BTBD9: variants seen among roughly 807,000 people sequenced by gnomAD.
The protein encoded by BTBD9 is BTB domain containing 9.
A neutral mutation model predicts 64.3 loss-of-function variants in BTBD9; 49 were observed. The observed-to-expected ratio is 0.76, with a 90% CI of 0.61 to 0.97. BTBD9 has a LOEUF of 0.97. BTBD9 is among the 50% of genes least tolerant of loss of function. BTBD9 has a pLI of 0.00. For synonymous variants in BTBD9, 260 were observed against 274.7 expected (o/e 0.95, Z 0.53); for missense variants, 598 against 762.1 (o/e 0.78, Z 2.53).
intron 6 of BTBD9, among the ~76,000 whole-genome samples, chr6:38,430,909 T>C (rs1412665020): frequency 6.6e-6 from 1 of 152,014 alleles, no homozygotes. Context: ...CTGGTCTTAC[T>C]CTTCTCAGCG....
chr6:38,406,206 C>T (rs1767153016), intron 6 of BTBD9, among the ~76,000 whole-genome samples: 1 of 152,144 alleles, frequency 6.6e-6, no homozygotes, highest in African/African-American at 2.4e-5. Context: ...ATCTTTGGCT[C>T]CTACACAAAT....
chr6:38,386,968 C>T (rs1766200702), intron 6 of BTBD9, among the ~76,000 whole-genome samples: 3 of 152,112 alleles, frequency 2.0e-5, no homozygotes, highest in South Asian at 2.1e-4. Flanking sequence ...ACCCAAAAGT[C>T]CCCTCTGTGT....
At chr6:38,419,323 T>G (rs991614712) in intron 6 of BTBD9, among the ~76,000 whole-genome samples, 31 of 152,186 alleles carry the variant, frequency 2.0e-4, no homozygotes, top group Admixed American at 9.8e-4. Context: ...GTTCTAAAAT[T>G]TACTGTGGCA....
At chr6:38,529,815 C>T (rs574367385) in intron 6 of BTBD9, among the ~76,000 whole-genome samples, 361 of 149,458 alleles carry the variant, frequency 2.4e-3, no homozygotes, top group Middle Eastern at 0.01. Context: ...GATTGTAAAA[C>T]GTGTGTTTGA....
intron 6 of BTBD9, among the ~76,000 whole-genome samples, chr6:38,549,811 T>C (rs1163918854): frequency 6.6e-6 from 1 of 152,058 alleles, no homozygotes; most frequent in African/African-American, 2.4e-5. Flanking sequence ...CTCCCACCAC[T>C]CCTCTAAAAC....
chr6:38,590,253 G>GA (rs1029642190), intron 4 of BTBD9, among the ~76,000 whole-genome samples: 8 of 149,992 alleles, frequency 5.3e-5, no homozygotes, highest in Non-Finnish European at 1.0e-4. Flanking sequence ...GATATACACA[G>GA]AAAAAAAAAC....
intron 7 of BTBD9, among the ~76,000 whole-genome samples, chr6:38,313,912 G>A (rs1037692838): frequency 2.0e-5 from 3 of 151,580 alleles, no homozygotes; most frequent in African/African-American, 7.3e-5. Context: ...CCCACATCCG[G>A]CTAATTTTTG....
At chr6:38,416,681 T>C (rs1482669415) in intron 6 of BTBD9, among the ~76,000 whole-genome samples, 1 of 151,830 alleles carries the variant, frequency 6.6e-6, no homozygotes, top group East Asian at 1.9e-4. Flanking sequence ...AGCCACTCTC[T>C]AATGTCACAC....
intron 6 of BTBD9, among the ~76,000 whole-genome samples, chr6:38,413,938 T>C (rs546528183): frequency 3.3e-5 from 5 of 152,310 alleles, no homozygotes; most frequent in African/African-American, 1.2e-4. Flanking sequence ...TCGTGAAGAC[T>C]GAATGATTTG....
At chr6:38,596,700 C>T (rs959904943) in intron 2 of BTBD9, among the ~76,000 whole-genome samples, 1 of 151,528 alleles carries the variant, frequency 6.6e-6, no homozygotes, top group South Asian at 2.1e-4. Flanking sequence ...ACTCGGGAGG[C>T]TGAGGCAGGA....
At chr6:38,181,080 C>T (rs1280067187) in intron 10 of BTBD9, among the ~76,000 whole-genome samples, 1 of 152,214 alleles carries the variant, frequency 6.6e-6, no homozygotes, top group East Asian at 1.9e-4. Flanking sequence ...GTGGCTGCTG[C>T]CTCTCATTAG....
chr6:38,338,925 C>T (rs145973150), intron 7 of BTBD9, among the ~76,000 whole-genome samples: 4 of 152,294 alleles, frequency 2.6e-5, no homozygotes, highest in Non-Finnish European at 5.9e-5. Context: ...CCATTTCTCA[C>T]CTATCGAACT....
At chr6:38,345,944 C>T (rs1764260687) in intron 6 of BTBD9, among the ~76,000 whole-genome samples, 1 of 152,232 alleles carries the variant, frequency 6.6e-6, no homozygotes, top group Non-Finnish European at 1.5e-5. Flanking sequence ...ACTCATTCTT[C>T]TGAGTGTCAC....
At chr6:38,441,553 C>T (rs1380410201) in intron 6 of BTBD9, among the ~76,000 whole-genome samples, 1 of 152,052 alleles carries the variant, frequency 6.6e-6, no homozygotes, top group Non-Finnish European at 1.5e-5. Flanking sequence ...GCTAGGACTA[C>T]AGGCACCCGC....
intron 6 of BTBD9, among the ~76,000 whole-genome samples, chr6:38,493,068 T>C (rs369173200): frequency 1.3e-5 from 2 of 151,830 alleles, no homozygotes; most frequent in South Asian, 4.2e-4. Flanking sequence ...ATTCCATGAG[T>C]TTTAAAATAA....
At chr6:38,305,386 A>G (rs981427308) in intron 7 of BTBD9, among the ~76,000 whole-genome samples, 9 of 152,246 alleles carry the variant, frequency 5.9e-5, no homozygotes, top group Non-Finnish European at 1.2e-4. Context: ...AGACTAAAAT[A>G]TTGTTTGATG....
chr6:38,283,175 A>C (rs1362915832), intron 8 of BTBD9, among the ~76,000 whole-genome samples: 4 of 152,224 alleles, frequency 2.6e-5, no homozygotes, highest in African/African-American at 9.6e-5. Flanking sequence ...GACCATGCTT[A>C]CTTAGGCCCA....
chr6:38,211,358 G>A (rs983153885), intron 9 of BTBD9, among the ~76,000 whole-genome samples: 1 of 152,094 alleles, frequency 6.6e-6, no homozygotes, highest in African/African-American at 2.4e-5. Context: ...GAACCTGGGA[G>A]GCAGAGCTTG....
At chr6:38,453,380 T>G (rs1440825031) in intron 6 of BTBD9, among the ~76,000 whole-genome samples, 1 of 152,198 alleles carries the variant, frequency 6.6e-6, no homozygotes, top group Non-Finnish European at 1.5e-5. Context: ...ACCTCCACAT[T>G]TGCATGAATT....
Sources: gnomAD v4.1 joint callset for allele counts (sites outside exome capture counted in the v4.1 genomes callset) on GRCh38, gnomAD v4.1.1 for gene constraint, MANE v1.5 for transcripts, NCBI Gene and HGNC (gene_info 2026-07-23, HGNC 2026-07-21) for gene names.